The following PCDH9 variants were observed in gnomAD, a reference collection of about 807,000 sequenced individuals.
PCDH9 encodes the protein protocadherin-9.
PCDH9 carries 24 observed loss-of-function variants against 70.6 expected under a neutral mutation model. The observed-to-expected ratio is 0.34, with a 90% CI of 0.25 to 0.48. The LOEUF (loss-of-function observed/expected upper bound fraction) is 0.48. Ranked by LOEUF, PCDH9 falls within the 20% of genes least tolerant of loss-of-function variation. The pLI is 0.99. For synonymous variants in PCDH9, 562 were observed against 558.5 expected (o/e 1.01, Z -0.09); for missense variants, 1,281 against 1,503.6 (o/e 0.85, Z 2.45).
At chr13:67,024,130 A>G (rs1313362900) in intron 2 of PCDH9, among the ~76,000 whole-genome samples, 1 of 152,222 alleles carries the variant, frequency 6.6e-6, no homozygotes. Flanking sequence ...GGAAGCCACC[A>G]GAAGCTGATC....
chr13:66,325,194 C>A (rs1955821701), intron 4 of PCDH9, among the ~76,000 whole-genome samples: 1 of 151,956 alleles, frequency 6.6e-6, no homozygotes, highest in Admixed American at 6.5e-5. Context: ...AATTCCATAG[C>A]TAGTTTTAGT....
At chr13:66,829,529 T>C (rs1458848382) in intron 3 of PCDH9, among the ~76,000 whole-genome samples, 3 of 151,868 alleles carry the variant, frequency 2.0e-5, no homozygotes, top group Non-Finnish European at 4.4e-5. Flanking sequence ...TATATATTTG[T>C]CAAACATATT....
At chr13:67,064,891 AATAGATAGATAGATAGATAG>A (rs71110626) in intron 2 of PCDH9, among the ~76,000 whole-genome samples, 252 of 148,966 alleles carry the variant, frequency 1.7e-3, no homozygotes, top group Non-Finnish European at 3.2e-3. Context: ...CCTGTGTGGA[AATAGATAGATAGATAGATAG>A]ATAGATAGAT....
At chr13:66,967,674 A>G (rs777592041) in intron 2 of PCDH9, among the ~76,000 whole-genome samples, 4 of 152,166 alleles carry the variant, frequency 2.6e-5, no homozygotes, top group African/African-American at 7.2e-5. Context: ...TTCTTAACAA[A>G]TGCTATGCAA....
chr13:66,612,557 AAATATTGC>A (rs146446509), intron 4 of PCDH9, among the ~76,000 whole-genome samples: 4,692 of 152,310 alleles, frequency 0.031, 102 homozygotes, highest in Non-Finnish European at 0.048. Flanking sequence ...AATAATATTA[AAATATTGC>A]AATATTTAGA....
At position 66,305,159 on chromosome 13, in the gene PCDH9, A is replaced by C. The variant is rs568189731; in HGVS notation, c.3341-131T>G. On this transcript the variant is annotated intron_variant, in intron 4 of 4. Transcript: ENST00000377865. ...AAAGTGTATCAAGTCAAGCAACTCA[A>C]AGATATATTTCTCCATCTTTTAAAG... The C allele has an allele frequency of 9.2e-5, 73 of 790,142 alleles. No individual in the cohort carries two copies. In the African/African-American group the frequency reaches 9.4e-4, roughly 10 times the overall value. 48.9% of individuals were successfully genotyped at this position (790,142 alleles called of 1,614,324 possible). A position where few individuals can be genotyped will look rare whatever the true frequency, so the allele number is the denominator to read the frequency against.
intron 3 of PCDH9, among the ~76,000 whole-genome samples, chr13:66,801,104 A>G (rs1236774740): frequency 6.6e-6 from 1 of 150,850 alleles, no homozygotes; most frequent in Non-Finnish European, 1.5e-5. Context: ...AGGTCTGTAT[A>G]TATCCTCAGA....
intron 3 of PCDH9, among the ~76,000 whole-genome samples, chr13:66,661,804 T>C (rs1043865515): frequency 6.6e-6 from 1 of 152,206 alleles, no homozygotes; most frequent in African/African-American, 2.4e-5. Context: ...GGGTGAACTT[T>C]AAAGAAACTG....
intron 2 of PCDH9, among the ~76,000 whole-genome samples, chr13:67,040,765 A>T (rs559590554): frequency 4.5e-4 from 68 of 152,188 alleles, no homozygotes; most frequent in Admixed American, 2.8e-3. Context: ...ATATTTAATA[A>T]CTTTTGCTGG....
At chr13:66,810,530 C>T (rs115096883) in intron 3 of PCDH9, among the ~76,000 whole-genome samples, 1,539 of 151,948 alleles carry the variant, frequency 0.01, 25 homozygotes, top group African/African-American at 0.035. Flanking sequence ...GTACTGGGAG[C>T]AGGTAGTTAC....
At chr13:66,627,363 T>C (rs900225632) in intron 4 of PCDH9, among the ~76,000 whole-genome samples, 1 of 152,196 alleles carries the variant, frequency 6.6e-6, no homozygotes, top group Non-Finnish European at 1.5e-5. Flanking sequence ...AATATCACTG[T>C]ACCTCACTTC....
intron 4 of PCDH9, among the ~76,000 whole-genome samples, chr13:66,539,757 A>C (rs1347754897): frequency 6.6e-6 from 1 of 152,118 alleles, no homozygotes; most frequent in Non-Finnish European, 1.5e-5. Context: ...CTTAACATTT[A>C]CAATTTTTTT....
chr13:66,391,837 A>G lies in PCDH9; in HGVS notation c.3341-86809T>C, dbSNP rs567932186. ...ATAAATCTAATGTACAATTTGTGGTAAAAATATGCTTCAATCATTCTCTCT... is the reference window on the plus strand; with the variant it reads ...ATAAATCTAATGTACAATTTGTGGTGAAAATATGCTTCAATCATTCTCTCT... On this transcript the variant is annotated intron_variant, in intron 4 of 4. Coordinates refer to ENST00000377865, the MANE Select transcript of PCDH9 (RefSeq NM_203487.3). Among the ~76,000 whole-genome samples, 56 of 151,192 alleles carry G rather than the reference A, an allele frequency of 3.7e-4. 1 individual carries two copies. The Admixed American group carries it at 3.7e-3, about 10-fold the overall frequency.
intron 2 of PCDH9, among the ~76,000 whole-genome samples, chr13:67,079,957 C>A (rs1408651487): frequency 6.6e-6 from 1 of 152,188 alleles, no homozygotes; most frequent in African/African-American, 2.4e-5. Flanking sequence ...CACCTATGAT[C>A]TCCCCAGCCC....
intron 3 of PCDH9, among the ~76,000 whole-genome samples, chr13:66,885,592 T>C (rs2081991832): frequency 6.6e-6 from 1 of 152,142 alleles, no homozygotes; most frequent in Non-Finnish European, 1.5e-5. Flanking sequence ...AAGTAACAAT[T>C]GGGATTATGC....
intron 4 of PCDH9, among the ~76,000 whole-genome samples, chr13:66,577,062 C>G (rs757644338): frequency 4.6e-5 from 7 of 151,844 alleles, no homozygotes; most frequent in Non-Finnish European, 1.0e-4. Context: ...GACAAACTAT[C>G]TCACTGAAAA....
intron 4 of PCDH9, among the ~76,000 whole-genome samples, chr13:66,560,296 G>C (rs12429773): frequency 1.3e-5 from 2 of 152,132 alleles, no homozygotes; most frequent in Admixed American, 6.5e-5. Context: ...CTGTATTTCA[G>C]ACTGCATGGG....
intron 3 of PCDH9, among the ~76,000 whole-genome samples, chr13:66,887,534 A>G (rs1179883019): frequency 1.3e-5 from 2 of 152,244 alleles, no homozygotes; most frequent in African/African-American, 4.8e-5. Context: ...TTGCAACTAT[A>G]GAGTGCCCTC....
intron 3 of PCDH9, among the ~76,000 whole-genome samples, chr13:66,653,388 T>C (rs2077879611): frequency 6.6e-6 from 1 of 152,090 alleles, no homozygotes; most frequent in Non-Finnish European, 1.5e-5. Flanking sequence ...GACATACATA[T>C]GGCAAACAGG....
Sources: gnomAD v4.1 joint callset for allele counts (sites outside exome capture counted in the v4.1 genomes callset) on GRCh38, gnomAD v4.1.1 for gene constraint, MANE v1.5 for transcripts, NCBI Gene and HGNC (gene_info 2026-07-23, HGNC 2026-07-21) for gene names.